The following OR6C2 variants were observed in gnomAD, a reference collection of about 807,000 sequenced individuals.
OR6C2 encodes the protein olfactory receptor 6C2.
For missense variants in OR6C2, 435 were observed against 365.8 expected (o/e 1.19, Z -1.54); for synonymous variants, 146 against 134.2 (o/e 1.09, Z -0.61).
intron 1 of OR6C2, among the ~76,000 whole-genome samples, chr12:55,449,274 C>A (rs1871423313): frequency 6.6e-6 from 1 of 151,886 alleles, no homozygotes; most frequent in South Asian, 2.1e-4. Flanking sequence ...CTTTAAAATA[C>A]TTTTTAAAAA....
chr12:55,444,997 G>A (rs1052820104), intron 1 of OR6C2, among the ~76,000 whole-genome samples: 3 of 152,094 alleles, frequency 2.0e-5, no homozygotes, highest in African/African-American at 7.2e-5. Context: ...ACAAGGAACT[G>A]TTTTTCTTTC....
chr12:55,447,412 A>G (rs1871384431), intron 1 of OR6C2, among the ~76,000 whole-genome samples: 1 of 151,940 alleles, frequency 6.6e-6, no homozygotes, highest in Admixed American at 6.6e-5. Context: ...TATAGGCACC[A>G]TGTTGTTCAG....
chr12:55,449,369 T>C (rs1379725431), intron 1 of OR6C2, among the ~76,000 whole-genome samples: 2 of 151,892 alleles, frequency 1.3e-5, no homozygotes, highest in East Asian at 3.9e-4. Flanking sequence ...CATTAACTCA[T>C]TGAAAAATTG....
At position 55,452,705 on chromosome 12, in the gene OR6C2, C is replaced by G; in HGVS notation, c.492C>G (p.Leu164=). 6.2e-7 allele frequency: 1 copy of G among 1,613,770 alleles called. No individual in the cohort carries two copies. Among genetic ancestry groups the G allele is most frequent in the South Asian group, 1.1e-5 (1 of 91,076 alleles). The change falls in exon 2 of 2, where the codon CTC becomes CTG. Residue 164 remains leucine (L), a synonymous_variant. Transcript: ENST00000641202. ...CACCACTTAGCTTAGGCCTCCAGCT[C>G]GAATTCTGTGACTCCAATGCCATTG... ...IVPPLSLGLQ[L]EFCDSNAIDH...
chr12:55,448,091 A>G (rs2120679014), intron 1 of OR6C2, among the ~76,000 whole-genome samples: 1 of 152,114 alleles, frequency 6.6e-6, no homozygotes, highest in South Asian at 2.1e-4. Context: ...TTCCCTGATA[A>G]TTGATGATAT....
At position 55,452,736 on chromosome 12, in the gene OR6C2, T is replaced by C. The variant is rs1871507827; in HGVS notation, c.523T>C (p.Phe175Leu). The change falls in exon 2 of 2, where the codon TTT becomes CTT. Residue 175 changes from phenylalanine (F) to leucine (L), a missense_variant. Coordinates refer to ENST00000641202, the MANE Select transcript of OR6C2 (RefSeq NM_054105.2). ...EFCDSNAIDH[F>L]SCDAGPLLKI... is the part of the protein sequence containing the mutation. ...CTGTGACTCCAATGCCATTGATCATTTTAGCTGTGATGCAGGTCCTCTCCT... is the reference window on the plus strand; with the variant it reads ...CTGTGACTCCAATGCCATTGATCATCTTAGCTGTGATGCAGGTCCTCTCCT... 6.2e-7 allele frequency: 1 copy of C among 1,613,860 alleles called. No individual in the cohort carries two copies.
In OR6C2 at chr12:55,452,609, C is replaced by G. The variant is rs771940697; in HGVS notation, c.396C>G (p.Val132=). The G allele has an allele frequency of 8.1e-6, 13 of 1,613,696 alleles. No homozygotes were observed. Among genetic ancestry groups the G allele is most frequent in the Non-Finnish European group, 1.1e-5 (13 of 1,179,862 alleles). Residue 132 remains valine (V), a synonymous_variant, in exon 2 of 2, where the codon GTC becomes GTG. Transcript: ENST00000641202. ...VAICKPLHYV[V]IMNNRVCTLL... is the part of the protein sequence containing the mutation. ...TCTGTAAACCCCTTCATTATGTGGTCATCATGAACAACAGGGTGTGTACCT... is the reference window on the plus strand; with the variant it reads ...TCTGTAAACCCCTTCATTATGTGGTGATCATGAACAACAGGGTGTGTACCT...
chr12:55,447,802 G>A (rs1477361090), intron 1 of OR6C2, among the ~76,000 whole-genome samples: 1 of 152,030 alleles, frequency 6.6e-6, no homozygotes, highest in Admixed American at 6.6e-5. Flanking sequence ...ATATTTAAGA[G>A]TAAAGTTAGT....
Position 55,451,355 on chromosome 12 carries a change from T to C in OR6C2, c.-859T>C, listed in dbSNP as rs1871466259. On this transcript the variant is annotated 5_prime_UTR_variant, in exon 2 of 2. An upstream start codon of the reference 5' UTR is lost. Transcript: ENST00000641202. ...CTGGTAAACATCCTTCTACTCTCTA[T>C]GTCTATGAGTTCAACTGATTTGATT... 1 of 151,960 alleles carries C rather than the reference T, an allele frequency of 6.6e-6. No individual in the cohort carries two copies. Among genetic ancestry groups the C allele is most frequent in the South Asian group, 2.1e-4 (1 of 4,822 alleles). The allele number at this position is 151,960 out of a possible 1,614,324, so 9.4% of individuals were successfully genotyped here.
intron 1 of OR6C2, among the ~76,000 whole-genome samples, chr12:55,448,921 C>T (rs1429672139): frequency 6.6e-6 from 1 of 151,816 alleles, no homozygotes. Flanking sequence ...TTTCTTTATG[C>T]TAAGTATTTT....
rs1254555407 is a variant in OR6C2 at position 55,453,199 on chromosome 12, T to C, written c.*47T>C. On this transcript the variant is annotated 3_prime_UTR_variant, in exon 2 of 2. Transcript: ENST00000641202. ...AAGTGAATGAAGAAGGCTCCCTAAA[T>C]GTCATCCTACAGCTTTTAACTTATT... The C allele has an allele frequency of 7.3e-7, 1 of 1,372,350 alleles. No homozygotes were observed. The highest frequency in any genetic ancestry group is 1.0e-6 in the Non-Finnish European group (1 of 981,198). 85.0% of individuals were successfully genotyped at this position (1,372,350 alleles called of 1,614,324 possible). A position where few individuals can be genotyped will look rare whatever the true frequency, so the allele number is the denominator to read the frequency against.
intron 1 of OR6C2, among the ~76,000 whole-genome samples, chr12:55,447,107 G>C (rs1414842617): frequency 6.6e-6 from 1 of 152,142 alleles, no homozygotes; most frequent in Non-Finnish European, 1.5e-5. Context: ...GCTGCAGCCT[G>C]TTAATACTTA....
Position 55,452,139 on chromosome 12 carries a change from T to G in OR6C2, c.-75T>G. 1.1e-6 allele frequency: 1 copy of G among 917,914 alleles called. No individual in the cohort carries two copies. The highest frequency in any genetic ancestry group is 1.7e-6 in the Non-Finnish European group (1 of 601,504). 56.9% of individuals were successfully genotyped at this position (917,914 alleles called of 1,614,324 possible). Reference sequence around the variant, plus strand: ...GGCTTCTAGATGCATATCCTTTTGCTATAGAATTCAAATATCTACCCCCTC... The same window carrying G: ...GGCTTCTAGATGCATATCCTTTTGCGATAGAATTCAAATATCTACCCCCTC... On this transcript the variant is annotated 5_prime_UTR_variant, in exon 2 of 2. Coordinates refer to ENST00000641202, the MANE Select transcript of OR6C2 (RefSeq NM_054105.2).
At chr12:55,448,656 A>G (rs1475615383) in intron 1 of OR6C2, among the ~76,000 whole-genome samples, 11 of 142,812 alleles carry the variant, frequency 7.7e-5, no homozygotes, top group African/African-American at 1.1e-4. Flanking sequence ...AAAAAAAAAA[A>G]AAAGAAAGAA....
intron 1 of OR6C2, among the ~76,000 whole-genome samples, chr12:55,447,636 G>A (rs190099824): frequency 1.4e-4 from 21 of 152,062 alleles, no homozygotes; most frequent in African/African-American, 4.8e-4. Flanking sequence ...CCTCTTGTAG[G>A]TTCATCTGTG....
chr12:55,445,470 G>T (rs1871346550), intron 1 of OR6C2, among the ~76,000 whole-genome samples: 1 of 152,166 alleles, frequency 6.6e-6, no homozygotes. Flanking sequence ...ATCTTATAAG[G>T]AGATACAATT....
Position 55,452,875 on chromosome 12 carries a change from G to A in OR6C2, c.662G>A (p.Arg221Lys), listed in dbSNP as rs1871514584. 5 of 1,613,750 alleles carry A rather than the reference G, an allele frequency of 3.1e-6. No homozygotes were observed. The highest frequency in any genetic ancestry group is 4.2e-6 in the Non-Finnish European group (5 of 1,179,762). The change falls in exon 2 of 2, where the codon AGA (arginine) becomes AAA (lysine). Residue 221 changes from arginine to lysine, a missense_variant. Arg to Lys is a conservative substitution (Grantham distance 26). Transcript: ENST00000641202. ...ATTCTGTCCTACTTGTACATAGTCAGAACAATTCTGAAGTTCCCTTCTGTT... is the reference window on the plus strand; with the variant it reads ...ATTCTGTCCTACTTGTACATAGTCAAAACAATTCTGAAGTTCCCTTCTGTT... Reference protein sequence around the residue: ...CVILSYLYIVRTILKFPSVQQ... With the variant: ...CVILSYLYIVKTILKFPSVQQ...
At chr12:55,447,442 C>T (rs954852602) in intron 1 of OR6C2, among the ~76,000 whole-genome samples, 4 of 151,980 alleles carry the variant, frequency 2.6e-5, no homozygotes, top group African/African-American at 9.7e-5. Context: ...AGAACTTACT[C>T]ATCCTGCATA....
chr12:55,447,982 A>G (rs995834383), intron 1 of OR6C2, among the ~76,000 whole-genome samples: 4 of 151,946 alleles, frequency 2.6e-5, no homozygotes, highest in South Asian at 2.1e-4. Flanking sequence ...CTATTTCTCT[A>G]TGTACTTGCC....
Sources: allele counts gnomAD v4.1 joint callset (sites outside exome capture counted in the v4.1 genomes callset), GRCh38; gene constraint gnomAD v4.1.1; transcripts MANE v1.5; gene names NCBI Gene and HGNC (gene_info 2026-07-23, HGNC 2026-07-21).